EML2: variants seen among roughly 807,000 people sequenced by gnomAD.
EML2 encodes the protein echinoderm microtubule-associated protein-like 2.
A neutral mutation model predicts 84.7 loss-of-function variants in EML2; 59 were observed. That is an observed-to-expected ratio of 0.70 (90% CI 0.56 to 0.86). The LOEUF is 0.86. Among genes scored for constraint, EML2 ranks in the 40% least tolerant of loss-of-function variants. EML2 has a pLI of 0.00. For synonymous variants in EML2, 352 were observed against 348.9 expected (o/e 1.01, Z -0.10); for missense variants, 818 against 855.6 (o/e 0.96, Z 0.55).
At chr19:45,637,633 C>T (rs1973886269) in intron 3 of EML2, among the ~76,000 whole-genome samples, 1 of 149,650 alleles carries the variant, frequency 6.7e-6, no homozygotes, top group South Asian at 2.1e-4. Flanking sequence ...GAGCATGCCA[C>T]CATGGCTGGC....
At chr19:45,643,415 T>C (rs1383161786), upstream of EML2, among the ~76,000 whole-genome samples, 2 of 152,156 alleles carry the variant, frequency 1.3e-5, no homozygotes, top group Non-Finnish European at 2.9e-5. Flanking sequence ...TTCCCCTTCT[T>C]TATTTCGCCT....
intron 8 of EML2, among the ~76,000 whole-genome samples, chr19:45,625,700 C>G (rs1568459422): frequency 6.6e-6 from 1 of 152,182 alleles, no homozygotes; most frequent in Non-Finnish European, 1.5e-5. Context: ...CTCTGGGCTT[C>G]CCTTTTGGGG....
chr19:45,644,743 C>A, upstream of EML2: 1 of 456,104 alleles, frequency 2.2e-6, no homozygotes, highest in Non-Finnish European at 4.4e-6. Context: ...CTTCTGGTAT[C>A]ACACCCATTT....
intron 16 of EML2, 107 bp downstream of exon 16, chr19:45,615,695 G>T: frequency 1.0e-6 from 1 of 992,644 alleles, no homozygotes; most frequent in Non-Finnish European, 1.6e-6. Context: ...AACCAGCCTT[G>T]AATACCAAGG....
intron 1 of EML2, 190 bp downstream of exon 1, chr19:45,639,167 T>G: frequency 1.5e-6 from 1 of 674,214 alleles, no homozygotes; most frequent in South Asian, 2.2e-5. Flanking sequence ...ATCAGCAAGG[T>G]GCTCCCCAGC....
upstream of EML2, chr19:45,641,758 A>G: frequency 6.5e-7 from 1 of 1,535,958 alleles, no homozygotes; most frequent in Non-Finnish European, 8.7e-7. Context: ...GCTAAAAGAG[A>G]GCACACAGGT....
chr19:45,632,560 T>C (rs1973180787), intron 6 of EML2: 1 of 310,924 alleles, frequency 3.2e-6, no homozygotes, highest in Non-Finnish European at 6.1e-6. Context: ...TCCAAATTCC[T>C]AAAGGCATAC....
At chr19:45,639,119 C>A in intron 1 of EML2, 1 of 677,772 alleles carries the variant, frequency 1.5e-6, no homozygotes, top group Non-Finnish European at 2.6e-6. Flanking sequence ...GGGACGCGAT[C>A]CTGGAAGAAG....
At chr19:45,627,714 C>T (rs1031443203) in intron 7 of EML2, among the ~76,000 whole-genome samples, 2 of 152,212 alleles carry the variant, frequency 1.3e-5, no homozygotes, top group African/African-American at 4.8e-5. Context: ...CTCCTTTAAT[C>T]CTCCATCTCC....
chr19:45,609,923 C>G, intron 18 of EML2, 135 bp from the exon 19 acceptor site: 1 of 1,048,702 alleles, frequency 9.5e-7, no homozygotes, highest in Non-Finnish European at 1.3e-6. Flanking sequence ...AGTGAAGTCA[C>G]TTAGGTATGA....
At position 45,638,449 on chromosome 19, in the gene EML2, TTTC is replaced by T. The variant is rs1460096288; in HGVS notation, c.179+53_179+55del. The T allele has an allele frequency of 6.1e-5, 99 of 1,611,488 alleles. No homozygotes were observed. The Admixed American group carries it at 1.6e-3, about 26-fold the overall frequency. ...ACAGGCCTGAGCTGCCTTGACCGCC[TTTC>T]TATTTCCTCCTGGGGGGATGGGAGC... On this transcript the variant is annotated intron_variant, in intron 3 of 18. Transcript: ENST00000245925.
chr19:45,633,122 T>C lies in EML2; in HGVS notation c.347A>G (p.Asp116Gly). 1 of 1,605,306 alleles carries C rather than the reference T, an allele frequency of 6.2e-7. No homozygotes were observed. Among genetic ancestry groups the C allele is most frequent in the Non-Finnish European group, 8.5e-7 (1 of 1,176,306 alleles). Residue 116 changes from aspartate (D) to glycine (G), a missense_variant, in exon 5 of 19, where the codon GAT becomes GGT. By Grantham distance (94) the Asp-to-Gly change is moderately conservative. Coordinates refer to ENST00000245925, the MANE Select transcript of EML2 (RefSeq NM_012155.4). ...DDIKCLAIHP[D>G]MVTIATGQVA... ...CTGTCCCGTGGCGATGGTGACCATATCTGGGTGGATGGCCAAGCTGCGGAA... is the reference window on the plus strand; with the variant it reads ...CTGTCCCGTGGCGATGGTGACCATACCTGGGTGGATGGCCAAGCTGCGGAA...
chr19:45,632,684 C>T lies in EML2; in HGVS notation c.510+177G>A, dbSNP rs1600185277. 6.8e-6 allele frequency: 4 copies of T among 592,164 alleles called. No individual in the cohort carries two copies. The East Asian group carries it at 8.6e-5, about 13-fold the overall frequency. The allele number at this position is 592,164 out of a possible 1,614,324, so 36.7% of individuals were successfully genotyped here. A position where few individuals can be genotyped will look rare whatever the true frequency, so the allele number is the denominator to read the frequency against. ...AAAATGCCTGAGAGGGCTGGGCGGG[C>T]ACGGTGACTCACCCGCCCCTTGGGG... On this transcript the variant is annotated intron_variant, in intron 6 of 18. Coordinates refer to ENST00000245925, the MANE Select transcript of EML2 (RefSeq NM_012155.4).
upstream of EML2, chr19:45,640,109 A>G (rs1043379204): frequency 6.6e-6 from 1 of 152,276 alleles, no homozygotes; most frequent in Non-Finnish European, 1.5e-5. Flanking sequence ...TGTGTTTGCT[A>G]TGTTTGAGCA....
intron 18 of EML2, among the ~76,000 whole-genome samples, chr19:45,611,499 C>CTTCTTA (rs35553113): frequency 0.48 from 72,240 of 149,850 alleles, 18,885 homozygotes; most frequent in African/African-American, 0.66. Context: ...TCTTCTTCTT[C>CTTCTTA]TTTTGAGACA....
upstream of EML2, chr19:45,644,909 C>T (rs1974914830): frequency 4.6e-6 from 2 of 433,168 alleles, no homozygotes; most frequent in South Asian, 1.8e-5. Flanking sequence ...CTGTCTGTCC[C>T]CCTGCTATGG....
chr19:45,609,764 G>A lies in EML2; in HGVS notation c.1849C>T (p.His617Tyr). 1.2e-6 allele frequency: 2 copies of A among 1,612,784 alleles called. No individual in the cohort carries two copies. Among genetic ancestry groups the A allele is most frequent in the South Asian group, 1.1e-5 (1 of 90,850 alleles). ...PRALSHKYGGHSSHVTNVAFL... is the reference protein window; with the variant it reads ...PRALSHKYGGYSSHVTNVAFL... ...GCCACATTTGTCACATGGCTGCTGT[G>A]TCCACCGTACTTGTGGCTGAGGGCC... is the stretch of plus-strand genomic sequence containing the variant. Residue 617 changes from histidine to tyrosine, a missense_variant, in exon 19 of 19, where the codon CAC (histidine) becomes TAC (tyrosine). By Grantham distance (83) the His-to-Tyr change is moderately conservative. Transcript: ENST00000245925.
chr19:45,641,929 G>T (rs760426280), upstream of EML2: 1 of 1,441,072 alleles, frequency 6.9e-7, no homozygotes, highest in Non-Finnish European at 9.1e-7. Context: ...TGCGCCCGGA[G>T]GTCGCCTCCT....
rs1361486043 is a variant in EML2 at position 45,621,222 on chromosome 19, G to A, written c.1107C>T (p.Phe369=). The change falls in exon 11 of 19, where the codon TTC becomes TTT. Residue 369 remains phenylalanine (F), a synonymous_variant. Coordinates refer to ENST00000245925, the MANE Select transcript of EML2 (RefSeq NM_012155.4). ...SILQGSVHTG[F]SLLVQGHVEE... ...AGAGGCGCACCTGGACCAGCAGTGA[G>A]AAGCCTGTGTGCACGGAGCCCTGCA... 9 of 1,613,938 alleles carry A rather than the reference G, an allele frequency of 5.6e-6. No individual in the cohort carries two copies. In the East Asian group the frequency reaches 1.8e-4, roughly 32 times the overall value.
Sources: gnomAD v4.1 joint callset for allele counts (sites outside exome capture counted in the v4.1 genomes callset) on GRCh38, gnomAD v4.1.1 for gene constraint, MANE v1.5 for transcripts, NCBI Gene and HGNC (gene_info 2026-07-23, HGNC 2026-07-21) for gene names.